Variants in AMZ1 observed in about 807,000 individuals in gnomAD.
AMZ1 encodes the protein archaelysin family metallopeptidase 1, also known as archaemetzincin-1.
In AMZ1, 39 loss-of-function variants were observed where a neutral mutation model predicts 29.9. The ratio of observed to expected loss-of-function variants is 1.30; its 90% CI spans 1.01 to 1.70. The LOEUF (loss-of-function observed/expected upper bound fraction) is 1.70, where lower values mean the gene tolerates loss of function less well. Ranked by LOEUF, AMZ1 falls within the 40% of genes most tolerant of loss-of-function variation. The pLI is 0.00. For missense variants in AMZ1, 1,041 were observed against 680.6 expected (o/e 1.53, Z -5.89); for synonymous variants, 458 against 304.0 (o/e 1.51, Z -5.27).
intron 4 of AMZ1, among the ~76,000 whole-genome samples, chr7:2,751,310 C>T (rs899538360): frequency 2.0e-5 from 3 of 150,334 alleles, no homozygotes; most frequent in African/African-American, 7.3e-5. Context: ...AGGATCACTT[C>T]AACCCAGAAG....
chr7:2,685,166 C>T (rs1421234525), upstream of AMZ1, among the ~76,000 whole-genome samples: 2 of 151,882 alleles, frequency 1.3e-5, no homozygotes, highest in Non-Finnish European at 2.9e-5. Context: ...CCGCGCCCGG[C>T]CTCGATGCAT....
intron 6 of AMZ1, among the ~76,000 whole-genome samples, chr7:2,711,901 C>G (rs1273437568): frequency 6.6e-6 from 1 of 152,062 alleles, no homozygotes; most frequent in African/African-American, 2.4e-5. Context: ...AAAAATTAGC[C>G]AGGCATGCTG....
chr7:2,716,903 C>T lies in AMZ1; in HGVS notation c.*4025C>T, dbSNP rs943989249. Among the ~76,000 whole-genome samples, 5 of 152,202 alleles carry T rather than the reference C, an allele frequency of 3.3e-5. No individual in the cohort carries two copies. The highest frequency in any genetic ancestry group is 7.2e-5 in the African/African-American group (3 of 41,460). On this transcript the variant is annotated 3_prime_UTR_variant, in exon 7 of 7. Transcript: ENST00000683327. The stretch of plus-strand genomic sequence containing the variant: ...CTGGGAAGGGCTGGAGCCTCAGAAA[C>T]GGCAGAGCGGAAGTTGAGGCGCAGT...
At chr7:2,688,360 G>A (rs1235152528) in intron 1 of AMZ1, 64 bp downstream of exon 1, 2 of 151,738 alleles carry the variant, frequency 1.3e-5, no homozygotes, top group Admixed American at 6.6e-5. Flanking sequence ...GTGCCGGGGC[G>A]GGTGGGTAGG....
intron 4 of AMZ1, among the ~76,000 whole-genome samples, chr7:2,751,705 G>A (rs1791047499): frequency 6.6e-6 from 1 of 152,206 alleles, no homozygotes. Context: ...GTCAAACATT[G>A]ACAGGTATTA....
Position 2,756,474 on chromosome 7 carries a change from G to T in AMZ1, n.551-8238G>T, listed in dbSNP as rs61270940. 4.0e-3 allele frequency among the ~76,000 whole-genome samples: 613 copies of T among 152,230 alleles called. 26 individuals carry two copies. In the East Asian group the frequency reaches 0.1, roughly 26 times the overall value. ...CAAAAAATTTTTAAAAATTAGTCAG[G>T]TGTGGTGGCACACGCCTATAGTCCC... On this transcript the variant is annotated intron_variant and non_coding_transcript_variant, in intron 4 of 4. Transcript: ENST00000489665.
At chr7:2,758,247 CG>C (rs1399846731) in intron 4 of AMZ1, among the ~76,000 whole-genome samples, 1 of 152,188 alleles carries the variant, frequency 6.6e-6, no homozygotes, top group Non-Finnish European at 1.5e-5. Context: ...GCTTTAGGGC[CG>C]GGTGCAGTGG....
At chr7:2,758,826 G>A (rs1772236420) in intron 4 of AMZ1, among the ~76,000 whole-genome samples, 4 of 152,292 alleles carry the variant, frequency 2.6e-5, no homozygotes, top group Admixed American at 2.0e-4. Context: ...ATGGATATGA[G>A]AGGGTTATCA....
intron 1 of AMZ1, among the ~76,000 whole-genome samples, chr7:2,696,464 A>C (rs188716984): frequency 1.3e-5 from 2 of 148,688 alleles, no homozygotes; most frequent in Admixed American, 6.7e-5. Context: ...TCACCATGTT[A>C]GCCAGGATGG....
At position 2,712,389 on chromosome 7, in the gene AMZ1, G is replaced by A; in HGVS notation, c.1008G>A (p.Glu336=). The A allele has an allele frequency of 3.7e-6, 6 of 1,609,690 alleles. No homozygotes were observed. The highest frequency in any genetic ancestry group is 5.1e-6 in the Non-Finnish European group (6 of 1,178,358). ...CGTGGCCCAGCCAGGAGGCGGGGGA[G>A]CCGTCAGTGTGGGAGGACACCCCGC... ...VGTWPSQEAG[E]PSVWEDTPPA... Residue 336 remains glutamate, a synonymous_variant, in exon 7 of 7, where the codon GAG becomes GAA. Coordinates refer to ENST00000683327, the MANE Select transcript of AMZ1 (RefSeq NM_001384743.1).
At position 2,709,049 on chromosome 7, in the gene AMZ1, G is replaced by A. The variant is rs764987917; in HGVS notation, c.602-26G>A. On this transcript the variant is annotated intron_variant, in intron 4 of 6. Transcript: ENST00000683327. ...CCAGAGCCAAGGCTGACCCCTGAGA[G>A]TGCCCTTCTCTCCATCTCTCTCCAG... 6.3e-5 allele frequency: 98 copies of A among 1,544,370 alleles called. No homozygotes were observed. The Middle Eastern group carries it at 1.2e-3, about 19-fold the overall frequency.
At position 2,731,383 on chromosome 7, in the gene AMZ1, G is replaced by A. The variant is rs765598901; in HGVS notation, n.550+21567G>A. The A allele has an allele frequency of 1.2e-5, 19 of 1,613,466 alleles. No individual in the cohort carries two copies. Among genetic ancestry groups the A allele is most frequent in the East Asian group, 4.5e-5 (2 of 44,882 alleles). Reference sequence around the variant, plus strand: ...CCTGTGCGGGTCGCCCCTGAAGTCCGGGAAGTGCTTCTTGATGCTCACGGT... The same window carrying A: ...CCTGTGCGGGTCGCCCCTGAAGTCCAGGAAGTGCTTCTTGATGCTCACGGT... On this transcript the variant is annotated intron_variant and non_coding_transcript_variant, in intron 4 of 4. Coordinates refer to the AMZ1 transcript ENST00000489665. The surrounding 1 kb of genome is among the most constrained non-coding windows in gnomAD (Gnocchi z 6.0).
rs765598901 is a variant in AMZ1, at chr7:2,731,383, G to C, written n.550+21567G>C. 1.2e-6 allele frequency: 2 copies of C among 1,613,584 alleles called. No individual in the cohort carries two copies. The highest frequency in any genetic ancestry group is 8.5e-7 in the Non-Finnish European group (1 of 1,179,626). On this transcript the variant is annotated intron_variant and non_coding_transcript_variant, in intron 4 of 4. Transcript: ENST00000489665. The surrounding 1 kb of genome is among the most constrained non-coding windows in gnomAD (Gnocchi z 6.0). ...CCTGTGCGGGTCGCCCCTGAAGTCC[G>C]GGAAGTGCTTCTTGATGCTCACGGT...
At chr7:2,695,552 C>CAA (rs544282792) in intron 1 of AMZ1, among the ~76,000 whole-genome samples, 6 of 104,850 alleles carry the variant, frequency 5.7e-5, no homozygotes, top group African/African-American at 1.9e-4. Context: ...CTCTTCTCTA[C>CAA]AAAAAAAAAA....
chr7:2,753,938 G>A (rs1393431619), intron 4 of AMZ1, among the ~76,000 whole-genome samples: 3 of 152,150 alleles, frequency 2.0e-5, no homozygotes, highest in South Asian at 4.2e-4. Context: ...ATCCGACCAC[G>A]AGCTCTGTAG....
intron 1 of AMZ1, among the ~76,000 whole-genome samples, chr7:2,690,661 C>T (rs1040701545): frequency 5.3e-5 from 8 of 152,114 alleles, no homozygotes; most frequent in South Asian, 2.1e-4. Context: ...GGTGTGCAAA[C>T]GGCCTCTGTG....
intron 4 of AMZ1, among the ~76,000 whole-genome samples, chr7:2,737,964 G>C (rs1031250101): frequency 8.5e-5 from 13 of 152,206 alleles, no homozygotes; most frequent in African/African-American, 3.1e-4. Flanking sequence ...GTGAACGCCT[G>C]TGACATCTCA....
At chr7:2,685,071 G>C (rs960497808), upstream of AMZ1, among the ~76,000 whole-genome samples, 1 of 151,610 alleles carries the variant, frequency 6.6e-6, no homozygotes, top group African/African-American at 2.4e-5. Flanking sequence ...GAGTTTCACT[G>C]TGTTAGCCAG....
chr7:2,693,667 A>T lies in AMZ1; in HGVS notation c.-219+5371A>T, dbSNP rs146488825. Among the ~76,000 whole-genome samples, 625 of 152,192 alleles carry T rather than the reference A, an allele frequency of 4.1e-3. 4 individuals are homozygous for T. The highest frequency in any genetic ancestry group is 0.014 in the African/African-American group (579 of 41,536). On this transcript the variant is annotated intron_variant, in intron 1 of 6. Transcript: ENST00000683327. ...GCCTCCCGGGTTCACTCCATTCTCC[A>T]GCCTCAGCCTCCAGAGTAGCTAGGA...
Sources: gnomAD v4.1 joint callset for allele counts (sites outside exome capture counted in the v4.1 genomes callset) on GRCh38, gnomAD v4.1.1 for gene constraint, Gnocchi (gnomAD v3.1) non-coding constraint, MANE v1.5 for transcripts, NCBI Gene and HGNC (gene_info 2026-07-23, HGNC 2026-07-21) for gene names.